CEP112: variants seen among roughly 807,000 people sequenced by gnomAD.
The protein encoded by CEP112 is centrosomal protein of 112 kDa.
Under a neutral mutation model 153.0 loss-of-function variants are expected in CEP112, and 127 were observed. The observed-to-expected ratio is 0.83, with a 90% confidence interval of 0.72 to 0.96. CEP112 has a LOEUF of 0.96. Ranked by LOEUF, CEP112 falls within the 40% of genes least tolerant of loss-of-function variation. The pLI is 0.00. For synonymous variants in CEP112, 358 were observed against 374.4 expected (o/e 0.96, Z 0.51); for missense variants, 1,089 against 1,101.2 (o/e 0.99, Z 0.16).
chr17:65,921,353 A>G (rs1357471867), intron 19 of CEP112, among the ~76,000 whole-genome samples: 1 of 152,106 alleles, frequency 6.6e-6, no homozygotes, highest in East Asian at 1.9e-4. Flanking sequence ...ATCGTTTGTC[A>G]TGATAAACTT....
chr17:65,828,575 G>A (rs558246767), intron 21 of CEP112, among the ~76,000 whole-genome samples: 13 of 152,214 alleles, frequency 8.5e-5, no homozygotes, highest in Middle Eastern at 3.4e-3. Context: ...GGATTCTTAC[G>A]CAAAACAGAA....
Position 65,957,695 on chromosome 17 carries a change from C to CT in CEP112, c.1872+3767dup, listed in dbSNP as rs566018671. Among the ~76,000 whole-genome samples the CT allele has an allele frequency of 2.8e-3, 419 of 152,146 alleles. 6 individuals are homozygous for CT. The highest frequency in any genetic ancestry group is 9.5e-3 in the African/African-American group (394 of 41,532). On this transcript the variant is annotated intron_variant, in intron 18 of 26. Coordinates refer to ENST00000535342, the MANE Select transcript of CEP112 (RefSeq NM_001199165.4). Reference sequence around the variant, plus strand: ...ATGTTTATTATTACAATTATATACTCTATCTTATTTTGGACATTTTGTTGT... The same window carrying CT: ...ATGTTTATTATTACAATTATATACTCTTATCTTATTTTGGACATTTTGTTGT...
chr17:65,832,729 A>C (rs888772602), intron 21 of CEP112, among the ~76,000 whole-genome samples: 1 of 152,160 alleles, frequency 6.6e-6, no homozygotes, highest in African/African-American at 2.4e-5. Context: ...ACAAACAAAA[A>C]AACTCCAGGG....
At chr17:65,718,980 C>T (rs2049710776) in intron 23 of CEP112, among the ~76,000 whole-genome samples, 1 of 152,124 alleles carries the variant, frequency 6.6e-6, no homozygotes, top group Admixed American at 6.5e-5. Context: ...AGGACTCACC[C>T]CCAAGCATGG....
At chr17:65,646,845 C>A (rs1567804711) in intron 24 of CEP112, among the ~76,000 whole-genome samples, 2 of 152,194 alleles carry the variant, frequency 1.3e-5, no homozygotes, top group Non-Finnish European at 2.9e-5. Flanking sequence ...AACTGCAGTG[C>A]TTCCAGACAT....
In CEP112 at chr17:66,129,744, A is replaced by T; in HGVS notation, c.642+2T>A. The T allele has an allele frequency of 6.3e-7, 1 of 1,598,698 alleles. No individual in the cohort carries two copies. Among genetic ancestry groups the T allele is most frequent in the Non-Finnish European group, 8.5e-7 (1 of 1,170,266 alleles). ...ATACATAAAGCAAATACTTTTTTTT[A>T]CCCCAAGATTCCAACTATTAAGGCG... On this transcript the variant is annotated splice_donor_variant, in intron 6 of 26. Coordinates refer to ENST00000535342, the MANE Select transcript of CEP112 (RefSeq NM_001199165.4). LOFTEE classifies it high-confidence loss of function.
intron 18 of CEP112, among the ~76,000 whole-genome samples, chr17:65,934,072 C>T (rs1423816183): frequency 6.6e-6 from 1 of 152,070 alleles, no homozygotes; most frequent in Admixed American, 6.6e-5. Context: ...GCCTGTAGTC[C>T]CCGCTACTCG....
At chr17:66,143,140 T>A (rs1213669911) in intron 4 of CEP112, among the ~76,000 whole-genome samples, 1 of 152,166 alleles carries the variant, frequency 6.6e-6, no homozygotes, top group African/African-American at 2.4e-5. Context: ...ACAGAAGAAA[T>A]CAAGAGAAAT....
chr17:65,918,613 G>C lies in CEP112; in HGVS notation c.1980+8969C>G, dbSNP rs937610580. Reference sequence around the variant, plus strand: ...AGAATGATCTCATGGAGTTGCCAAAGAAATCTCTATAGTCCAGGAAGTCCT... The same window carrying C: ...AGAATGATCTCATGGAGTTGCCAAACAAATCTCTATAGTCCAGGAAGTCCT... On this transcript the variant is annotated intron_variant, in intron 19 of 26. Coordinates refer to ENST00000535342, the MANE Select transcript of CEP112 (RefSeq NM_001199165.4). Among the ~76,000 whole-genome samples, 14 of 152,296 alleles carry C rather than the reference G, an allele frequency of 9.2e-5. No homozygotes were observed. In the East Asian group the frequency reaches 2.7e-3, roughly 29 times the overall value.
chr17:66,026,011 G>A (rs1392161889), intron 16 of CEP112, among the ~76,000 whole-genome samples: 2 of 148,724 alleles, frequency 1.3e-5, no homozygotes, highest in Non-Finnish European at 3.0e-5. Flanking sequence ...TATCTTAAAT[G>A]AAACAACTCA....
At chr17:66,159,093 G>T (rs113452599) in intron 4 of CEP112, among the ~76,000 whole-genome samples, 1 of 151,972 alleles carries the variant, frequency 6.6e-6, no homozygotes, top group Non-Finnish European at 1.5e-5. Context: ...TAAACTAGAA[G>T]ATCTAGAAGA....
rs774108148 is a variant in CEP112 at position 66,183,261 on chromosome 17, C to T, written c.39G>A (p.Leu13=). ...VGSEEEKWEK[L]DAEFDHFVVD... is the part of the protein sequence containing the mutation. Reference sequence around the variant, plus strand: ...CCACAAAGTGATCAAATTCTGCATCCAGCTTCTCCCATTTTTCTTCTTCAC... The same window carrying T: ...CCACAAAGTGATCAAATTCTGCATCTAGCTTCTCCCATTTTTCTTCTTCAC... Residue 13 remains leucine, a synonymous_variant, in exon 2 of 27, where the codon CTG becomes CTA. Coordinates refer to ENST00000535342, the MANE Select transcript of CEP112 (RefSeq NM_001199165.4). The T allele has an allele frequency of 6.2e-7, 1 of 1,612,580 alleles. No individual in the cohort carries two copies. The highest frequency in any genetic ancestry group is 8.5e-7 in the Non-Finnish European group (1 of 1,179,384).
At position 65,866,424 on chromosome 17, in the gene CEP112, A is replaced by G. The variant is rs377448108; in HGVS notation, c.2164-14390T>C. Among the ~76,000 whole-genome samples, 23 of 152,350 alleles carry G rather than the reference A, an allele frequency of 1.5e-4. 1 individual carries two copies. Among genetic ancestry groups the G allele is most frequent in the African/African-American group, 5.0e-4 (21 of 41,590 alleles). On this transcript the variant is annotated intron_variant, in intron 20 of 26. Coordinates refer to ENST00000535342, the MANE Select transcript of CEP112 (RefSeq NM_001199165.4). ...CCTTGGCACAAACAGCCTGGGCAAC[A>G]TGAATGGCAGCAGGAGGCAGACAGG...
intron 6 of CEP112, among the ~76,000 whole-genome samples, chr17:66,106,636 T>C (rs774965316): frequency 3.3e-5 from 5 of 151,928 alleles, no homozygotes; most frequent in Non-Finnish European, 7.4e-5. Context: ...AGTAATGAGA[T>C]TGAAGCTGTA....
At chr17:65,838,773 GAGAAGAGACCC>G (rs1373669825) in intron 21 of CEP112, among the ~76,000 whole-genome samples, 1 of 151,762 alleles carries the variant, frequency 6.6e-6, no homozygotes, top group Admixed American at 6.6e-5. Context: ...AGAAAAAAAA[GAGAAGAGACCC>G]AAATAAATAA....
intron 23 of CEP112, among the ~76,000 whole-genome samples, chr17:65,697,907 G>A (rs574691576): frequency 5.9e-5 from 9 of 152,204 alleles, no homozygotes; most frequent in Admixed American, 1.3e-4. Flanking sequence ...AGCCAGAGCC[G>A]CAGCTACTAC....
Position 65,696,705 on chromosome 17 carries a change from C to T in CEP112, c.2608-7487G>A, listed in dbSNP as rs181224949. Among the ~76,000 whole-genome samples, 113 of 152,206 alleles carry T rather than the reference C, an allele frequency of 7.4e-4. No individual in the cohort carries two copies. In the Middle Eastern group the frequency reaches 0.01, roughly 14 times the overall value. On this transcript the variant is annotated intron_variant, in intron 23 of 26. Transcript: ENST00000535342. Reference sequence around the variant, plus strand: ...AAGAAGAAGTCACCCTGGCAAACTGCGGGCAACTGCTTGAAGCGGGGTGAT... The same window carrying T: ...AAGAAGAAGTCACCCTGGCAAACTGTGGGCAACTGCTTGAAGCGGGGTGAT...
At chr17:65,861,855 C>T (rs896214178) in intron 20 of CEP112, among the ~76,000 whole-genome samples, 4 of 152,168 alleles carry the variant, frequency 2.6e-5, no homozygotes, top group Admixed American at 6.5e-5. Flanking sequence ...AAGTTGGACA[C>T]GTTCATAAGC....
chr17:66,096,650 A>G lies in CEP112; in HGVS notation c.643-18T>C, dbSNP rs2068358895. 1 of 1,489,926 alleles carries G rather than the reference A, an allele frequency of 6.7e-7. No individual in the cohort carries two copies. Among genetic ancestry groups the G allele is most frequent in the South Asian group, 1.2e-5 (1 of 83,834 alleles). 92.3% of individuals were successfully genotyped at this position (1,489,926 alleles called of 1,614,324 possible). ...TTTTCTATCTGAAAATTTAAAAATA[A>G]AACAAAATAAGGATTTATTAATTTT... is the stretch of plus-strand genomic sequence containing the variant. On this transcript the variant is annotated intron_variant, in intron 6 of 26. Transcript: ENST00000535342.
Sources: gnomAD v4.1 joint callset for allele counts (sites outside exome capture counted in the v4.1 genomes callset) on GRCh38, gnomAD v4.1.1 for gene constraint, MANE v1.5 for transcripts, NCBI Gene and HGNC (gene_info 2026-07-23, HGNC 2026-07-21) for gene names.